Variants in BIN2 observed in about 807,000 individuals in gnomAD.
BIN2 encodes breast cancer associated protein BRAP1.
A neutral mutation model predicts 67.9 loss-of-function variants in BIN2; 43 were observed. The ratio of observed to expected loss-of-function variants is 0.63; its 90% CI spans 0.50 to 0.82. The LOEUF (loss-of-function observed/expected upper bound fraction) is 0.82, where lower values mean the gene tolerates loss of function less well. BIN2 is among the 40% of genes least tolerant of loss of function. The probability of loss-of-function intolerance (pLI) is 0.00; values close to 1 mark genes in which losing one functional copy is unlikely to be tolerated. For missense variants in BIN2, 581 were observed against 671.6 expected (o/e 0.87, Z 1.49); for synonymous variants, 244 against 246.8 (o/e 0.99, Z 0.11).
At chr12:51,300,512 C>T (rs140409054) in intron 5 of BIN2, among the ~76,000 whole-genome samples, 72 of 152,234 alleles carry the variant, frequency 4.7e-4, no homozygotes, top group African/African-American at 1.7e-3. Flanking sequence ...CCTTATACAA[C>T]TGTTATTTGA....
At chr12:51,284,436 A>T (rs1565667603) in intron 12 of BIN2, among the ~76,000 whole-genome samples, 1 of 152,212 alleles carries the variant, frequency 6.6e-6, no homozygotes, top group African/African-American at 2.4e-5. Flanking sequence ...TTTAAAAAAA[A>T]TATCTTAACC....
At chr12:51,300,045 C>T (rs148658543) in intron 5 of BIN2, among the ~76,000 whole-genome samples, 115 of 152,110 alleles carry the variant, frequency 7.6e-4, no homozygotes, top group Middle Eastern at 6.8e-3. Flanking sequence ...GCCATCTTAG[C>T]CAGGCTGGTC....
At chr12:51,311,128 G>T (rs1945982645) in intron 2 of BIN2, among the ~76,000 whole-genome samples, 1 of 136,050 alleles carries the variant, frequency 7.4e-6, no homozygotes. Context: ...ACAGGGTCTT[G>T]CTCTGTTGCT....
intron 2 of BIN2, among the ~76,000 whole-genome samples, chr12:51,306,193 C>T (rs1310842901): frequency 6.6e-6 from 1 of 152,076 alleles, no homozygotes; most frequent in Non-Finnish European, 1.5e-5. Flanking sequence ...TCAAAAGTCC[C>T]TCTCAAGGGG....
chr12:51,302,442 C>G, intron 4 of BIN2: 1 of 536,444 alleles, frequency 1.9e-6, no homozygotes, highest in Non-Finnish European at 3.3e-6. Context: ...GGAGGTAAAA[C>G]TTCCCATAAT....
intron 1 of BIN2, among the ~76,000 whole-genome samples, chr12:51,320,482 T>G (rs1256015315): frequency 1.3e-5 from 2 of 152,188 alleles, no homozygotes; most frequent in Admixed American, 6.5e-5. Flanking sequence ...TCAGCTAGAA[T>G]GCTCTCTGAT....
At chr12:51,313,789 C>A (rs1946056040) in intron 2 of BIN2, 34 bp downstream of exon 2, 1 of 1,573,734 alleles carries the variant, frequency 6.4e-7, no homozygotes, top group Admixed American at 1.7e-5. Context: ...CTCCTTTCTT[C>A]TTCCAAGCTT....
intron 1 of BIN2, among the ~76,000 whole-genome samples, chr12:51,320,953 A>AC (rs1491573459): frequency 3.3e-5 from 5 of 151,050 alleles, no homozygotes; most frequent in South Asian, 2.1e-4. Flanking sequence ...ACACACACAC[A>AC]AACACACACA....
intron 2 of BIN2, among the ~76,000 whole-genome samples, chr12:51,305,637 AT>A (rs1440075416): frequency 2.0e-4 from 30 of 150,640 alleles, no homozygotes; most frequent in African/African-American, 6.8e-4. Context: ...AAAAAAAAAA[AT>A]GAGAAAAAAA....
chr12:51,320,961 ACACACACACT>A (rs1424786999), intron 1 of BIN2, among the ~76,000 whole-genome samples: 3 of 151,826 alleles, frequency 2.0e-5, no homozygotes, highest in South Asian at 2.1e-4. Context: ...ACAAACACAC[ACACACACACT>A]CTAAAGCCAG....
intron 10 of BIN2, 150 bp downstream of exon 10, chr12:51,291,441 T>C: frequency 1.4e-6 from 1 of 739,850 alleles, no homozygotes; most frequent in Non-Finnish European, 2.1e-6. Flanking sequence ...AGACCCTATC[T>C]CTGTTGGCAG....
chr12:51,321,011 C>T (rs571269771), intron 1 of BIN2, among the ~76,000 whole-genome samples: 3 of 147,602 alleles, frequency 2.0e-5, no homozygotes, highest in South Asian at 2.1e-4. Flanking sequence ...TGAGTTTGGG[C>T]GGGAAATGGA....
rs1946370384 is a variant in BIN2 at position 51,324,132 on chromosome 12, G to A, written c.-30C>T. 2 of 1,610,112 alleles carry A rather than the reference G, an allele frequency of 1.2e-6. No homozygotes were observed. ...CCAACTCCCTGGGGGCCGCCGCCCT[G>A]GCCCCGCGCCCTGTGGTTTTCTGAG... is the stretch of plus-strand genomic sequence containing the variant. On this transcript the variant is annotated 5_prime_UTR_variant, in exon 1 of 13. Transcript: ENST00000615107.
rs1945131339 is a variant in BIN2 at position 51,282,104 on chromosome 12, C to G, written c.1669-576G>C. On this transcript the variant is annotated intron_variant, in intron 12 of 12. Transcript: ENST00000615107. ...TTTCTCTTCTTGGATTTTAGAAAGT[C>G]TGGAACCAATTTCATGGTCATCCTT... Among the ~76,000 whole-genome samples, 3 of 152,102 alleles carry G rather than the reference C, an allele frequency of 2.0e-5. No homozygotes were observed. In the South Asian group the frequency reaches 6.2e-4, roughly 31 times the overall value.
intron 1 of BIN2, among the ~76,000 whole-genome samples, chr12:51,316,405 A>G (rs972161893): frequency 1.3e-5 from 2 of 151,918 alleles, no homozygotes; most frequent in African/African-American, 4.8e-5. Context: ...CTGAGGCATG[A>G]GAATCACTTG....
intron 2 of BIN2, among the ~76,000 whole-genome samples, chr12:51,305,792 A>AT (rs74309667): frequency 4.6e-5 from 6 of 129,698 alleles, no homozygotes; most frequent in Non-Finnish European, 8.5e-5. Flanking sequence ...TATTTCATCC[A>AT]TTTTTTTTGC....
chr12:51,324,337 C>T (rs1946377055), upstream of BIN2: 2 of 1,325,650 alleles, frequency 1.5e-6, no homozygotes, highest in Non-Finnish European at 2.0e-6. Context: ...TCGCTCGAGG[C>T]CAGCTTCCGA....
At chr12:51,306,210 G>A (rs1945862933) in intron 2 of BIN2, among the ~76,000 whole-genome samples, 1 of 152,170 alleles carries the variant, frequency 6.6e-6, no homozygotes, top group Non-Finnish European at 1.5e-5. Context: ...GGGGCTGAAT[G>A]TCAGTTTGAA....
intron 9 of BIN2, 72 bp from the exon 10 acceptor site, chr12:51,292,416 T>C (rs1372285378): frequency 3.5e-5 from 50 of 1,409,562 alleles, no homozygotes; most frequent in Non-Finnish European, 4.6e-5. Flanking sequence ...AAACTTACGA[T>C]GCATGTAATA....
Sources: allele counts gnomAD v4.1 joint callset (sites outside exome capture counted in the v4.1 genomes callset), GRCh38; gene constraint gnomAD v4.1.1; transcripts MANE v1.5; gene names NCBI Gene and HGNC (gene_info 2026-07-23, HGNC 2026-07-21).